The following RHOU variants were observed in gnomAD, a reference collection of about 807,000 sequenced individuals.
RHOU encodes rho-related GTP-binding protein RhoU.
In RHOU, 8 loss-of-function variants were observed where a neutral mutation model predicts 12.6. That is an observed-to-expected ratio of 0.64 (90% CI 0.37 to 1.15). The LOEUF (loss-of-function observed/expected upper bound fraction) is 1.15, where lower values mean the gene tolerates loss of function less well. Ranked by LOEUF, RHOU falls within the 50% of genes most tolerant of loss-of-function variation. The pLI is 0.01. For synonymous variants in RHOU, 161 were observed against 147.4 expected (o/e 1.09, Z -0.67); for missense variants, 258 against 347.0 (o/e 0.74, Z 2.04).
the RHOU span, among the ~76,000 whole-genome samples, chr1:228,648,862 T>TCTC: frequency 1.5e-5 from 1 of 67,666 alleles, no homozygotes; most frequent in Non-Finnish European, 3.9e-5. Context: ...CTCTCTCTCT[T>TCTC]TCTTTCTTTC....
the RHOU span, among the ~76,000 whole-genome samples, chr1:228,667,055 T>C: frequency 6.6e-6 from 1 of 152,232 alleles, no homozygotes; most frequent in African/African-American, 2.4e-5. Context: ...AAATCTGAGC[T>C]GGCTCTGTTG....
chr1:228,681,635 G>GA, the RHOU span, among the ~76,000 whole-genome samples: 4 of 152,150 alleles, frequency 2.6e-5, no homozygotes, highest in African/African-American at 9.7e-5. Context: ...TGGAGAAATC[G>GA]AAAGTGTCAT....
Position 228,737,796 on chromosome 1 carries a change from C to A in RHOU, c.321+65C>A. 1 of 1,521,302 alleles carries A rather than the reference C, an allele frequency of 6.6e-7. No individual in the cohort carries two copies. The highest frequency in any genetic ancestry group is 9.1e-7 in the Non-Finnish European group (1 of 1,096,726). 94.2% of individuals were successfully genotyped at this position (1,521,302 alleles called of 1,614,324 possible). A position where few individuals can be genotyped will look rare whatever the true frequency, so the allele number is the denominator to read the frequency against. Reference sequence around the variant, plus strand: ...AGCCTTTTAAAGATTTCCAAATAACCTTTGATTCCCTCAGTCAGTAACTGG... The same window carrying A: ...AGCCTTTTAAAGATTTCCAAATAACATTTGATTCCCTCAGTCAGTAACTGG... On this transcript the variant is annotated intron_variant, in intron 2 of 2. Coordinates refer to ENST00000366691, the MANE Select transcript of RHOU (RefSeq NM_021205.6). This position sits in a 1 kb window ranked among gnomAD's most constrained non-coding sequence, Gnocchi z 4.1.
chr1:228,693,313 T>A, the RHOU span, among the ~76,000 whole-genome samples: 2 of 152,162 alleles, frequency 1.3e-5, no homozygotes, highest in Non-Finnish European at 2.9e-5. Context: ...TCACAATAGG[T>A]TTCCAGGCTG....
the RHOU span, among the ~76,000 whole-genome samples, chr1:228,661,577 A>T: frequency 6.6e-6 from 1 of 152,196 alleles, no homozygotes; most frequent in Non-Finnish European, 1.5e-5. Context: ...AATAACTGGG[A>T]AAAGGATTCC....
chr1:228,652,299 C>T, the RHOU span: 2 of 152,194 alleles, frequency 1.3e-5, no homozygotes. Context: ...GTTGTTTTGT[C>T]TTCAAGCCAC....
the RHOU span, among the ~76,000 whole-genome samples, chr1:228,729,243 A>G: frequency 2.0e-5 from 3 of 151,622 alleles, no homozygotes; most frequent in African/African-American, 4.9e-5. Context: ...GATAGTTTAT[A>G]CTCCTTTGTG....
chr1:228,743,397 C>T lies in RHOU; in HGVS notation c.434C>T (p.Pro145Leu), dbSNP rs200170881. 37 of 1,613,996 alleles carry T rather than the reference C, an allele frequency of 2.3e-5. No homozygotes were observed. The highest frequency in any genetic ancestry group is 2.7e-5 in the African/African-American group (2 of 74,882). The change falls in exon 3 of 3, where the codon CCG becomes CTG. Residue 145 changes from proline to leucine, a missense_variant. Physicochemically the swap from Pro to Leu is moderately conservative, Grantham distance 98 (BLOSUM62 -3). Coordinates refer to ENST00000366691, the MANE Select transcript of RHOU (RefSeq NM_021205.6). The surrounding 1 kb of genome is among the most constrained non-coding windows in gnomAD (Gnocchi z 5.1). ...SFQNVSEKWV[P>L]EIRCHCPKAP... ...CAGAACGTCAGTGAGAAATGGGTGC[C>T]GGAGATTCGATGCCACTGTCCCAAA...
At chr1:228,669,450 A>G in the RHOU span, among the ~76,000 whole-genome samples, 2 of 152,150 alleles carry the variant, frequency 1.3e-5, no homozygotes, top group Non-Finnish European at 2.9e-5. Context: ...TTAACTTGGA[A>G]AATAAAAGCT....
At chr1:228,712,717 G>A in the RHOU span, among the ~76,000 whole-genome samples, 21 of 149,514 alleles carry the variant, frequency 1.4e-4, no homozygotes, top group African/African-American at 4.7e-4. Context: ...GCTAGATGAC[G>A]AGTTAGTGGG....
chr1:228,705,329 T>C, the RHOU span, among the ~76,000 whole-genome samples: 1 of 152,160 alleles, frequency 6.6e-6, no homozygotes, highest in Non-Finnish European at 1.5e-5. Flanking sequence ...ATTTTGCTAT[T>C]TCTGTAAGCA....
At chr1:228,655,287 A>G in the RHOU span, among the ~76,000 whole-genome samples, 4 of 152,068 alleles carry the variant, frequency 2.6e-5, no homozygotes, top group Non-Finnish European at 5.9e-5. Flanking sequence ...TATTTTTAGT[A>G]GAGACGGGGT....
the RHOU span, among the ~76,000 whole-genome samples, chr1:228,683,014 G>A: frequency 1.3e-5 from 2 of 151,668 alleles, no homozygotes; most frequent in Non-Finnish European, 2.9e-5. Flanking sequence ...TTCTGGTTAA[G>A]CTCATTAGGA....
the RHOU span, among the ~76,000 whole-genome samples, chr1:228,646,879 A>G: frequency 1.2e-4 from 18 of 151,846 alleles, no homozygotes; most frequent in African/African-American, 4.1e-4. Flanking sequence ...GAGAGATAGA[A>G]ACCGAGGGAG....
At chr1:228,722,317 G>A in the RHOU span, among the ~76,000 whole-genome samples, 9 of 152,276 alleles carry the variant, frequency 5.9e-5, no homozygotes, top group African/African-American at 1.9e-4. Flanking sequence ...TAACAAGGGA[G>A]TCCTCAGAGC....
rs750738015 is a variant in RHOU, at chr1:228,743,431, C to A, written c.468C>A (p.Ile156=). The A allele has an allele frequency of 2.0e-5, 33 of 1,614,196 alleles. No homozygotes were observed. Among genetic ancestry groups the A allele is most frequent in the Non-Finnish European group, 2.8e-5 (33 of 1,180,040 alleles). The change falls in exon 3 of 3, where the codon ATC becomes ATA. Residue 156 remains isoleucine, a synonymous_variant. Transcript: ENST00000366691. The surrounding 1 kb of genome is among the most constrained non-coding windows in gnomAD (Gnocchi z 5.1). ...GATGCCACTGTCCCAAAGCCCCCAT[C>A]ATCCTAGTTGGAACGCAGTCGGATC... ...EIRCHCPKAP[I]ILVGTQSDLR...
chr1:228,728,573 T>C, the RHOU span, among the ~76,000 whole-genome samples: 1 of 152,228 alleles, frequency 6.6e-6, no homozygotes, highest in Non-Finnish European at 1.5e-5. Context: ...TCAAAAAGTT[T>C]ACAATATGTG....
the RHOU span, among the ~76,000 whole-genome samples, chr1:228,726,753 A>G: frequency 6.6e-6 from 1 of 152,108 alleles, no homozygotes; most frequent in Non-Finnish European, 1.5e-5. Context: ...CTTCTAATCT[A>G]TAAAATTGGG....
the RHOU span, among the ~76,000 whole-genome samples, chr1:228,655,776 G>A: frequency 6.6e-6 from 1 of 152,300 alleles, no homozygotes; most frequent in East Asian, 1.9e-4. Flanking sequence ...TGATCAAAAA[G>A]GGGAAATGTA....
Sources: gnomAD v4.1 joint callset for allele counts (sites outside exome capture counted in the v4.1 genomes callset) on GRCh38, gnomAD v4.1.1 for gene constraint, Gnocchi (gnomAD v3.1) non-coding constraint, MANE v1.5 for transcripts, NCBI Gene and HGNC (gene_info 2026-07-23, HGNC 2026-07-21) for gene names.